TENM2: variants seen among roughly 807,000 people sequenced by gnomAD.
The protein encoded by TENM2 is teneurin transmembrane protein 2, also known as teneurin-2.
TENM2 carries 52 observed loss-of-function variants against 245.2 expected under a neutral mutation model. That is an observed-to-expected ratio of 0.21 (90% CI 0.17 to 0.27). The LOEUF is 0.27. Ranked by LOEUF, TENM2 falls within the 10% of genes least tolerant of loss-of-function variation. The pLI, the probability that TENM2 is intolerant of heterozygous loss-of-function variation, is 1.00. For missense variants in TENM2, 3,046 were observed against 3,666.8 expected (o/e 0.83, Z 4.37); for synonymous variants, 1,363 against 1,438.9 (o/e 0.95, Z 1.19).
intron 1 of TENM2, among the ~76,000 whole-genome samples, chr5:167,310,787 T>C (rs773879795): frequency 6.6e-6 from 1 of 152,186 alleles, no homozygotes; most frequent in Non-Finnish European, 1.5e-5. Context: ...GTGTTGTTAA[T>C]TCCCCTGGAA....
intron 2 of TENM2, among the ~76,000 whole-genome samples, chr5:167,678,148 A>G (rs918107590): frequency 2.0e-5 from 3 of 152,138 alleles, no homozygotes; most frequent in Non-Finnish European, 4.4e-5. Flanking sequence ...AATATCTGCC[A>G]TAAAATTATG....
chr5:167,211,477 T>A, the TENM2 span, among the ~76,000 whole-genome samples: 3 of 152,246 alleles, frequency 2.0e-5, no homozygotes, highest in African/African-American at 7.2e-5. Flanking sequence ...ACAGATGCAG[T>A]AGCCTATAAC....
At chr5:167,002,193 C>A in the TENM2 span, among the ~76,000 whole-genome samples, 1 of 152,030 alleles carries the variant, frequency 6.6e-6, no homozygotes, top group African/African-American at 2.4e-5. Context: ...GTTTCATCTT[C>A]TAAAGGGGAA....
chr5:168,135,211 G>A (rs1754942112), intron 12 of TENM2, among the ~76,000 whole-genome samples: 1 of 152,160 alleles, frequency 6.6e-6, no homozygotes, highest in Non-Finnish European at 1.5e-5. Flanking sequence ...CTCCTTTGGA[G>A]CATGACCCAT....
intron 2 of TENM2, among the ~76,000 whole-genome samples, chr5:167,420,080 T>C (rs1205603050): frequency 1.3e-5 from 2 of 152,232 alleles, no homozygotes; most frequent in Non-Finnish European, 2.9e-5. Context: ...TTTTATACTT[T>C]GCAAAAGGTC....
intron 25 of TENM2, among the ~76,000 whole-genome samples, chr5:168,242,983 T>TATC (rs1427268987): frequency 6.6e-6 from 1 of 151,890 alleles, no homozygotes; most frequent in African/African-American, 2.4e-5. Context: ...TTATTATTAC[T>TATC]ATCATCACCA....
chr5:168,017,699 G>T (rs1785780348), intron 5 of TENM2, among the ~76,000 whole-genome samples: 1 of 152,194 alleles, frequency 6.6e-6, no homozygotes, highest in South Asian at 2.1e-4. Flanking sequence ...GCATCTCTTG[G>T]TCAATGTGGG....
At chr5:168,180,712 A>C (rs1029392734) in intron 13 of TENM2, among the ~76,000 whole-genome samples, 3 of 152,200 alleles carry the variant, frequency 2.0e-5, no homozygotes, top group African/African-American at 4.8e-5. Context: ...CCTGGCCAAC[A>C]TGGTGAAACC....
chr5:167,394,358 A>G (rs1761932844), intron 2 of TENM2, among the ~76,000 whole-genome samples: 1 of 152,172 alleles, frequency 6.6e-6, no homozygotes, highest in Non-Finnish European at 1.5e-5. Context: ...TTCTTCTGAC[A>G]TCATTTTTTG....
At chr5:167,359,998 G>A (rs1039959093) in intron 1 of TENM2, among the ~76,000 whole-genome samples, 13 of 152,072 alleles carry the variant, frequency 8.5e-5, no homozygotes, top group African/African-American at 2.9e-4. Flanking sequence ...AAAAGGGAAC[G>A]ACAGACACTG....
chr5:167,695,801 G>A (rs1445702493), intron 2 of TENM2, among the ~76,000 whole-genome samples: 13 of 151,526 alleles, frequency 8.6e-5, no homozygotes, highest in South Asian at 6.3e-4. Context: ...TTGGGAGGCC[G>A]AGGTGGGCGG....
chr5:167,675,656 C>CTG (rs1756266707), intron 2 of TENM2, among the ~76,000 whole-genome samples: 1 of 152,044 alleles, frequency 6.6e-6, no homozygotes, highest in Non-Finnish European at 1.5e-5. Flanking sequence ...AGAATCCCAG[C>CTG]TCTGCTACTT....
intron 2 of TENM2, among the ~76,000 whole-genome samples, chr5:167,659,282 T>C (rs896329684): frequency 2.6e-5 from 4 of 152,246 alleles, no homozygotes; most frequent in Admixed American, 2.0e-4. Flanking sequence ...TTTGTTGTTG[T>C]ATTGAACTCC....
chr5:168,135,190 C>T (rs1300177010), intron 12 of TENM2, among the ~76,000 whole-genome samples: 1 of 152,178 alleles, frequency 6.6e-6, no homozygotes, highest in Non-Finnish European at 1.5e-5. Flanking sequence ...TCCCACGCTG[C>T]AATTTCTTGG....
At chr5:167,333,924 C>A (rs958899608) in intron 1 of TENM2, among the ~76,000 whole-genome samples, 1 of 152,016 alleles carries the variant, frequency 6.6e-6, no homozygotes, top group African/African-American at 2.4e-5. Context: ...ATAATGAAGA[C>A]ATTAAGTCAG....
chr5:167,746,136 A>G (rs1289207944), intron 2 of TENM2, among the ~76,000 whole-genome samples: 2 of 152,186 alleles, frequency 1.3e-5, no homozygotes, highest in Non-Finnish European at 2.9e-5. Context: ...CAATGTTTCC[A>G]GAGCCAAAAT....
chr5:167,331,242 A>AG (rs1167240809), intron 1 of TENM2, among the ~76,000 whole-genome samples: 3 of 151,544 alleles, frequency 2.0e-5, no homozygotes, highest in South Asian at 2.1e-4. Context: ...TCTCAAAAAA[A>AG]AAAAAAAAAA....
intron 2 of TENM2, among the ~76,000 whole-genome samples, chr5:167,546,314 G>A (rs1772557163): frequency 6.6e-6 from 1 of 152,156 alleles, no homozygotes; most frequent in Non-Finnish European, 1.5e-5. Context: ...ATAAGCAAAT[G>A]CCTGACTTTC....
chr5:167,578,932 A>G (rs1353715238), intron 2 of TENM2, among the ~76,000 whole-genome samples: 1 of 152,230 alleles, frequency 6.6e-6, no homozygotes, highest in Non-Finnish European at 1.5e-5. Context: ...CAATTAAGTA[A>G]GTAGAGTGTC....
Sources: gnomAD v4.1 joint callset for allele counts (sites outside exome capture counted in the v4.1 genomes callset) on GRCh38, gnomAD v4.1.1 for gene constraint, MANE v1.5 for transcripts, NCBI Gene and HGNC (gene_info 2026-07-23, HGNC 2026-07-21) for gene names.